Variants in PLCB4 observed in about 807,000 individuals in gnomAD.
The protein encoded by PLCB4 is 1-phosphatidylinositol 4,5-bisphosphate phosphodiesterase beta-4.
In PLCB4, 77 loss-of-function variants were observed where a neutral mutation model predicts 178.8. The observed-to-expected ratio is 0.43, with a 90% confidence interval of 0.36 to 0.52. PLCB4 has a LOEUF of 0.52. Among genes scored for constraint, PLCB4 ranks in the 20% least tolerant of loss-of-function variants. The probability of loss-of-function intolerance (pLI) is 0.00; values close to 1 mark genes in which losing one functional copy is unlikely to be tolerated. For missense variants in PLCB4, 1,024 were observed against 1,453.4 expected (o/e 0.70, Z 4.80); for synonymous variants, 496 against 490.8 (o/e 1.01, Z -0.14).
chr20:9,203,064 T>A (rs1474966139), intron 2 of PLCB4, among the ~76,000 whole-genome samples: 16 of 145,126 alleles, frequency 1.1e-4, no homozygotes, highest in African/African-American at 3.8e-4. Flanking sequence ...AAAATATATA[T>A]ATATATATAT....
chr20:9,215,978 G>T (rs565546825), intron 2 of PLCB4, among the ~76,000 whole-genome samples: 40 of 152,168 alleles, frequency 2.6e-4, no homozygotes, highest in Admixed American at 2.3e-3. Flanking sequence ...TTCCTCTCTT[G>T]TTTTTCATGG....
intron 2 of PLCB4, among the ~76,000 whole-genome samples, chr20:9,109,701 A>G (rs1298715004): frequency 6.6e-6 from 1 of 152,204 alleles, no homozygotes; most frequent in African/African-American, 2.4e-5. Context: ...TAATATAGTG[A>G]AGGGAAAGAT....
Position 9,379,886 on chromosome 20 carries a change from T to C in PLCB4, c.745-168T>C, listed in dbSNP as rs374125028. ...AAAAGTATTCCCAAATGTGGACTTTTTGAAGTATACTTTAAGGAGAAAGGC... is the reference window on the plus strand; with the variant it reads ...AAAAGTATTCCCAAATGTGGACTTTCTGAAGTATACTTTAAGGAGAAAGGC... On this transcript the variant is annotated intron_variant, in intron 12 of 39. Coordinates refer to ENST00000378473, the MANE Select transcript of PLCB4 (RefSeq NM_001377142.1). Among the ~76,000 whole-genome samples, 8 of 152,124 alleles carry C rather than the reference T, an allele frequency of 5.3e-5. No homozygotes were observed. In the East Asian group the frequency reaches 1.3e-3, roughly 26 times the overall value.
chr20:9,237,189 A>T (rs1002381581), intron 3 of PLCB4, among the ~76,000 whole-genome samples: 2 of 152,146 alleles, frequency 1.3e-5, no homozygotes, highest in Non-Finnish European at 2.9e-5. Flanking sequence ...TCCTAGGTCA[A>T]GACTTTTCAT....
intron 2 of PLCB4, among the ~76,000 whole-genome samples, chr20:9,098,234 G>A (rs1234798964): frequency 6.6e-6 from 1 of 152,138 alleles, no homozygotes; most frequent in East Asian, 1.9e-4. Flanking sequence ...CTGCAAAAGA[G>A]CTGTTAAGTG....
intron 35 of PLCB4, among the ~76,000 whole-genome samples, chr20:9,460,360 A>C (rs996235898): frequency 1.3e-5 from 2 of 152,158 alleles, no homozygotes; most frequent in Non-Finnish European, 2.9e-5. Flanking sequence ...AGAGATAAAG[A>C]CCAATCAGTT....
chr20:9,426,193 G>C (rs1189833222), intron 28 of PLCB4, among the ~76,000 whole-genome samples: 1 of 152,036 alleles, frequency 6.6e-6, no homozygotes, highest in Admixed American at 6.6e-5. Flanking sequence ...GCTAAAGAAA[G>C]ATAGTGTGGA....
intron 21 of PLCB4, among the ~76,000 whole-genome samples, chr20:9,407,124 C>A (rs1302504765): frequency 1.3e-5 from 2 of 151,994 alleles, no homozygotes; most frequent in Non-Finnish European, 2.9e-5. Context: ...AAACATAGTC[C>A]CCAAAGAGGC....
intron 4 of PLCB4, among the ~76,000 whole-genome samples, chr20:9,334,636 C>T (rs570942129): frequency 6.6e-5 from 10 of 152,092 alleles, no homozygotes; most frequent in East Asian, 1.9e-4. Context: ...ATGGAAGTTG[C>T]GAACCACCTG....
rs775258132 is a variant in PLCB4, at chr20:9,472,812, A to T, written c.3373A>T (p.Ser1125Cys). The part of the protein sequence containing the change: ...RERRVRELNS[S>C]NTKKFLEERK... ...TAGGCGAGTCAGGGAGTTAAACAGC[A>T]GCAACACTAAAAAGTTTCTGGAAGA... The change falls in exon 37 of 40, where the codon AGC becomes TGC. Residue 1125 changes from serine (S) to cysteine (C), a missense_variant. Ser to Cys is a moderately radical substitution (Grantham distance 112). Coordinates refer to ENST00000378473, the MANE Select transcript of PLCB4 (RefSeq NM_001377142.1). 2.2e-5 allele frequency: 35 copies of T among 1,602,044 alleles called. No homozygotes were observed. The highest frequency in any genetic ancestry group is 3.0e-5 in the Non-Finnish European group (35 of 1,172,186).
chr20:9,216,958 TA>T (rs979977094), intron 2 of PLCB4, among the ~76,000 whole-genome samples: 32 of 152,162 alleles, frequency 2.1e-4, no homozygotes, highest in Middle Eastern at 3.4e-3. Flanking sequence ...GAAACAGCCA[TA>T]AAAAAAGACT....
intron 2 of PLCB4, among the ~76,000 whole-genome samples, chr20:9,192,438 G>A (rs1299654280): frequency 6.6e-6 from 1 of 152,038 alleles, no homozygotes; most frequent in African/African-American, 2.4e-5. Context: ...TGTGACCTGT[G>A]GAATTGCACA....
chr20:9,222,573 G>A (rs1274258180), intron 3 of PLCB4, among the ~76,000 whole-genome samples: 4 of 152,122 alleles, frequency 2.6e-5, no homozygotes, highest in African/African-American at 9.7e-5. Flanking sequence ...ACTGGAGGCT[G>A]GAATGTCCAA....
chr20:9,184,515 C>T (rs1471975735), intron 2 of PLCB4, among the ~76,000 whole-genome samples: 3 of 149,394 alleles, frequency 2.0e-5, no homozygotes, highest in Admixed American at 1.4e-4. Flanking sequence ...GATAACATTA[C>T]TATGCTCATA....
At chr20:9,188,104 C>G (rs1358885918) in intron 2 of PLCB4, among the ~76,000 whole-genome samples, 1 of 152,164 alleles carries the variant, frequency 6.6e-6, no homozygotes, top group Non-Finnish European at 1.5e-5. Flanking sequence ...CAAGTCCCTG[C>G]TTTCGTGGAG....
chr20:9,286,658 A>G (rs1037735621), intron 3 of PLCB4, among the ~76,000 whole-genome samples: 1 of 152,060 alleles, frequency 6.6e-6, no homozygotes, highest in African/African-American at 2.4e-5. Flanking sequence ...TAACCACAAC[A>G]TACAGTGGGA....
chr20:9,348,422 C>A (rs1224953890), intron 7 of PLCB4, among the ~76,000 whole-genome samples: 1 of 152,142 alleles, frequency 6.6e-6, no homozygotes, highest in Admixed American at 6.5e-5. Flanking sequence ...AATTGAGGGT[C>A]TGGTTACTTT....
chr20:9,399,827 A>G (rs1248205850), intron 19 of PLCB4, among the ~76,000 whole-genome samples: 4 of 152,236 alleles, frequency 2.6e-5, no homozygotes, highest in Non-Finnish European at 1.5e-5. Context: ...AATAAATTAA[A>G]TGAAAATTTA....
At chr20:9,070,985 G>A (rs2089544189) in intron 1 of PLCB4, among the ~76,000 whole-genome samples, 2 of 152,066 alleles carry the variant, frequency 1.3e-5, no homozygotes, top group Non-Finnish European at 2.9e-5. Flanking sequence ...GCATACCCAC[G>A]CAGAAAGCTT....
Sources: gnomAD v4.1 joint callset for allele counts (sites outside exome capture counted in the v4.1 genomes callset) on GRCh38, gnomAD v4.1.1 for gene constraint, MANE v1.5 for transcripts, NCBI Gene and HGNC (gene_info 2026-07-23, HGNC 2026-07-21) for gene names.